The following ALLC variants were observed in gnomAD, a reference collection of about 807,000 sequenced individuals.
ALLC encodes the protein allantoicase, also known as probable inactive allantoicase.
ALLC carries 40 observed loss-of-function variants against 45.0 expected under a neutral mutation model. The ratio of observed to expected loss-of-function variants is 0.89; its 90% CI spans 0.69 to 1.16. The LOEUF (loss-of-function observed/expected upper bound fraction) is 1.16. ALLC is among the 50% of genes most tolerant of loss of function. The probability of loss-of-function intolerance (pLI) is 0.00; values close to 1 mark genes in which losing one functional copy is unlikely to be tolerated. For synonymous variants in ALLC, 176 were observed against 178.1 expected (o/e 0.99, Z 0.09); for missense variants, 488 against 493.1 (o/e 0.99, Z 0.10).
chr2:3,678,126 C>T (rs1667074200), intron 3 of ALLC, among the ~76,000 whole-genome samples: 1 of 152,214 alleles, frequency 6.6e-6, no homozygotes, highest in Non-Finnish European at 1.5e-5. Context: ...GCTTGGAAAT[C>T]TGACCAGCCT....
chr2:3,675,273 C>T (rs1037044340), intron 3 of ALLC, among the ~76,000 whole-genome samples: 1 of 151,834 alleles, frequency 6.6e-6, no homozygotes, highest in Admixed American at 6.6e-5. Flanking sequence ...ACCTGTAGTC[C>T]CCGCTACTCA....
chr2:3,695,817 G>C lies in ALLC; in HGVS notation c.612G>C (p.Gly204=). The change falls in exon 8 of 12, where the codon GGG becomes GGC. Residue 204 remains glycine, a synonymous_variant. Coordinates refer to ENST00000252505, the MANE Select transcript of ALLC (RefSeq NM_018436.4). ...CAGACCTAGTGGCCATCGCTTTTGG[G>C]GGTGTCTGTGTAGGATTTAGTAATG... ...EPADLVAIAF[G]GVCVGFSNAK... is the part of the protein sequence containing the mutation. 1 of 1,613,922 alleles carries C rather than the reference G, an allele frequency of 6.2e-7. No individual in the cohort carries two copies. Among genetic ancestry groups the C allele is most frequent in the Non-Finnish European group, 8.5e-7 (1 of 1,179,866 alleles).
At chr2:3,649,243 C>CTT in the ALLC span, among the ~76,000 whole-genome samples, 10,566 of 140,424 alleles carry the variant, frequency 0.075, 437 homozygotes, top group East Asian at 0.1. Flanking sequence ...CCAAACACTT[C>CTT]TTTTTTTTTT....
At chr2:3,666,014 T>C (rs1185816816) in intron 1 of ALLC, among the ~76,000 whole-genome samples, 2 of 152,296 alleles carry the variant, frequency 1.3e-5, no homozygotes, top group South Asian at 2.1e-4. Flanking sequence ...GCATGTAAGA[T>C]GGAATGCTCT....
chr2:3,685,440 A>G (rs78480179), intron 7 of ALLC, among the ~76,000 whole-genome samples: 1 of 150,536 alleles, frequency 6.6e-6, no homozygotes, highest in Non-Finnish European at 1.5e-5. Context: ...AGAGAGAGAG[A>G]GAGAGACAGA....
chr2:3,681,713 G>T lies in ALLC; in HGVS notation c.378G>T (p.Glu126Asp), dbSNP rs1454976682. ...CTGAGGAGTTTGAAGCCATTGCTGA[G>T]GTACATCTCCCCCAAATGAATTGGG... ...ATPEEFEAIA[E>D]LKSDDWSYLV... Residue 126 changes from glutamate to aspartate, a missense_variant and splice_region_variant, in exon 6 of 12, where the codon GAG (glutamate) becomes GAT (aspartate). By Grantham distance (45) the Glu-to-Asp change is conservative. Transcript: ENST00000252505. 1 of 1,606,286 alleles carries T rather than the reference G, an allele frequency of 6.2e-7. No homozygotes were observed. The highest frequency in any genetic ancestry group is 1.3e-5 in the African/African-American group (1 of 74,694).
At chr2:3,686,808 T>G (rs1326319926) in intron 7 of ALLC, among the ~76,000 whole-genome samples, 1 of 150,956 alleles carries the variant, frequency 6.6e-6, no homozygotes, top group African/African-American at 2.4e-5. Context: ...GAAAATCTAC[T>G]GAATTAGTTT....
the ALLC span, among the ~76,000 whole-genome samples, chr2:3,648,702 A>G: frequency 1.3e-5 from 2 of 152,064 alleles, no homozygotes; most frequent in African/African-American, 2.4e-5. Context: ...ACTGCCCCCC[A>G]TTCTCTGCTC....
chr2:3,695,663 G>A, intron 7 of ALLC, 54 bp from the exon 8 acceptor site: 2 of 1,605,952 alleles, frequency 1.2e-6, no homozygotes, highest in Non-Finnish European at 8.5e-7. Flanking sequence ...TGTAGTGTAT[G>A]ATACACAAGC....
chr2:3,647,512 C>T, the ALLC span, among the ~76,000 whole-genome samples: 7 of 148,836 alleles, frequency 4.7e-5, no homozygotes, highest in African/African-American at 5.2e-5. Context: ...CTCCCGATGC[C>T]GCTGGGGGTC....
intron 1 of ALLC, among the ~76,000 whole-genome samples, chr2:3,658,876 CA>C (rs566003324): frequency 0.037 from 2,552 of 69,084 alleles, 31 homozygotes; most frequent in African/African-American, 0.072. Context: ...GACCCTGTCT[CA>C]AAAAAAAAAA....
intron 4 of ALLC, 110 bp from the exon 5 acceptor site, chr2:3,679,759 G>A: frequency 2.7e-6 from 4 of 1,471,036 alleles, no homozygotes; most frequent in South Asian, 1.2e-5. Flanking sequence ...TTCTGTGATG[G>A]ACGGAATGGC....
the ALLC span, among the ~76,000 whole-genome samples, chr2:3,649,868 C>T: frequency 6.6e-6 from 1 of 152,248 alleles, no homozygotes; most frequent in Admixed American, 6.5e-5. Flanking sequence ...CCACAGACAG[C>T]GGCCCCAGCT....
At position 3,680,570 on chromosome 2, in the gene ALLC, G is replaced by A. The variant is rs1667150653; in HGVS notation, c.298+576G>A. On this transcript the variant is annotated intron_variant, in intron 5 of 11. Transcript: ENST00000252505. This position sits in a 1 kb window ranked among gnomAD's most constrained non-coding sequence, Gnocchi z 4.0. Reference sequence around the variant, plus strand: ...AAGAAGCCAAGAAACCAAAGAAAGAGGCTGACAAATCCAGTCTGTTGGTAA... The same window carrying A: ...AAGAAGCCAAGAAACCAAAGAAAGAAGCTGACAAATCCAGTCTGTTGGTAA... 6.6e-6 allele frequency among the ~76,000 whole-genome samples: 1 copy of A among 152,222 alleles called. No homozygotes were observed. The highest frequency in any genetic ancestry group is 6.5e-5 in the Admixed American group (1 of 15,274).
At chr2:3,676,524 GGC>G (rs1390310788) in intron 3 of ALLC, among the ~76,000 whole-genome samples, 8 of 152,222 alleles carry the variant, frequency 5.3e-5, no homozygotes, top group African/African-American at 1.9e-4. Context: ...TGGGATTACA[GGC>G]GTGAGCCACC....
At position 3,680,689 on chromosome 2, in the gene ALLC, G is replaced by T. The variant is rs572440237; in HGVS notation, c.298+695G>T. Among the ~76,000 whole-genome samples, 7 of 152,292 alleles carry T rather than the reference G, an allele frequency of 4.6e-5. No homozygotes were observed. The East Asian group carries it at 1.4e-3, about 29-fold the overall frequency. On this transcript the variant is annotated intron_variant, in intron 5 of 11. Transcript: ENST00000252505. This position sits in a 1 kb window ranked among gnomAD's most constrained non-coding sequence, Gnocchi z 4.0. ...CTGCACTGTTACTGCCCGGACTCAG[G>T]GCTCACATGCTGTAGGGAAAGGGTC...
intron 3 of ALLC, among the ~76,000 whole-genome samples, chr2:3,677,052 T>G (rs1159334315): frequency 6.6e-6 from 1 of 152,172 alleles, no homozygotes; most frequent in African/African-American, 2.4e-5. Flanking sequence ...CCTCCCAAAG[T>G]GCTGGGATTA....
At chr2:3,651,312 GTGGGGGGGGTGTGTGTGT>G in the ALLC span, among the ~76,000 whole-genome samples, 4 of 5,308 alleles carry the variant, frequency 7.5e-4, no homozygotes, top group African/African-American at 3.2e-3. Context: ...GGGTGGGTGG[GTGGGGGGGGTGTGTGTGT>G]GTGTGTGTGT....
chr2:3,697,086 T>C (rs1256544932), intron 9 of ALLC, among the ~76,000 whole-genome samples: 1 of 152,216 alleles, frequency 6.6e-6, no homozygotes, highest in Non-Finnish European at 1.5e-5. Flanking sequence ...TATAACATTT[T>C]GCAGGGATCT....
Sources: gnomAD v4.1 joint callset for allele counts (sites outside exome capture counted in the v4.1 genomes callset) on GRCh38, gnomAD v4.1.1 for gene constraint, Gnocchi (gnomAD v3.1) non-coding constraint, MANE v1.5 for transcripts, NCBI Gene and HGNC (gene_info 2026-07-23, HGNC 2026-07-21) for gene names.